The following FAM168A variants were observed in gnomAD, a reference collection of about 807,000 sequenced individuals.
FAM168A encodes protein FAM168A.
FAM168A carries 3 observed loss-of-function variants against 28.5 expected under a neutral mutation model. The ratio of observed to expected loss-of-function variants is 0.11; its 90% CI spans 0.05 to 0.27. The LOEUF (loss-of-function observed/expected upper bound fraction) is 0.27. Ranked by LOEUF, FAM168A falls within the 10% of genes least tolerant of loss-of-function variation. FAM168A has a pLI of 1.00. For synonymous variants in FAM168A, 122 were observed against 124.2 expected (o/e 0.98, Z 0.12); for missense variants, 222 against 311.5 (o/e 0.71, Z 2.16).
intron 1 of FAM168A, among the ~76,000 whole-genome samples, chr11:73,517,709 G>GGTAT (rs1943323760): frequency 1.3e-5 from 2 of 152,040 alleles, no homozygotes; most frequent in Non-Finnish European, 2.9e-5. Flanking sequence ...TATACTATAC[G>GGTAT]ACCTTGGCTC....
chr11:73,484,701 GATATATATAGAT>G (rs202126086), intron 1 of FAM168A, among the ~76,000 whole-genome samples: 7,702 of 142,118 alleles, frequency 0.054, 537 homozygotes, highest in African/African-American at 0.16. Context: ...TATAGATATA[GATATATATAGAT>G]ATATATATAG....
intron 1 of FAM168A, among the ~76,000 whole-genome samples, chr11:73,572,253 T>TG (rs1207056021): frequency 6.5e-5 from 9 of 138,846 alleles, no homozygotes; most frequent in East Asian, 4.4e-4. Flanking sequence ...GGGAGGGAGG[T>TG]GGGGGGTCAG....
At chr11:73,548,918 G>A (rs138456791) in intron 1 of FAM168A, among the ~76,000 whole-genome samples, 1 of 151,986 alleles carries the variant, frequency 6.6e-6, no homozygotes, top group Non-Finnish European at 1.5e-5. Context: ...TTATAGGAGT[G>A]AACCACCACA....
chr11:73,550,910 A>G lies in FAM168A; in HGVS notation c.-19+47013T>C, dbSNP rs150980558. On this transcript the variant is annotated intron_variant, in intron 1 of 7. Coordinates refer to ENST00000356467, the MANE Select transcript of FAM168A (RefSeq NM_015159.3). ...GATCACAAGTCAGGAGATCAAGACCATCCTGGCTAACATGGTGAAACCCTG... is the reference window on the plus strand; with the variant it reads ...GATCACAAGTCAGGAGATCAAGACCGTCCTGGCTAACATGGTGAAACCCTG... 2.2e-3 allele frequency among the ~76,000 whole-genome samples: 335 copies of G among 152,254 alleles called. 1 individual carries two copies. Among genetic ancestry groups the G allele is most frequent in the African/African-American group, 7.6e-3 (316 of 41,564 alleles).
Position 73,400,786 on chromosome 11 carries a change from T to A in FAM168A, c.*5977A>T, listed in dbSNP as rs1866389825. 1 of 151,834 alleles carries A rather than the reference T, an allele frequency of 6.6e-6. No homozygotes were observed. The highest frequency in any genetic ancestry group is 2.4e-5 in the African/African-American group (1 of 41,392). 9.4% of individuals were successfully genotyped at this position (151,834 alleles called of 1,614,324 possible). Reference sequence around the variant, plus strand: ...CCAAGAACCACTCAGTCTAGTCACCTAAGACTTTTTTTTGGGGGGGAATTT... The same window carrying A: ...CCAAGAACCACTCAGTCTAGTCACCAAAGACTTTTTTTTGGGGGGGAATTT... On this transcript the variant is annotated 3_prime_UTR_variant, in exon 8 of 8. Coordinates refer to ENST00000356467, the MANE Select transcript of FAM168A (RefSeq NM_015159.3).
At chr11:73,415,864 T>C (rs1329189643) in intron 4 of FAM168A, among the ~76,000 whole-genome samples, 1 of 152,220 alleles carries the variant, frequency 6.6e-6, no homozygotes, top group Non-Finnish European at 1.5e-5. Context: ...ATTAAGACTT[T>C]GGAATGTTGT....
intron 1 of FAM168A, among the ~76,000 whole-genome samples, chr11:73,495,986 A>T (rs767731082): frequency 3.5e-4 from 53 of 152,234 alleles, no homozygotes; most frequent in Non-Finnish European, 6.9e-4. Context: ...TGTTCATTGC[A>T]ATACTATGGA....
chr11:73,587,459 T>C (rs1477359326), intron 1 of FAM168A, among the ~76,000 whole-genome samples: 1 of 149,322 alleles, frequency 6.7e-6, no homozygotes, highest in Admixed American at 6.7e-5. Context: ...ACCACTGCAC[T>C]CCAGCTGAGG....
intron 1 of FAM168A, among the ~76,000 whole-genome samples, chr11:73,565,696 T>C (rs1023732190): frequency 2.0e-5 from 3 of 152,186 alleles, no homozygotes; most frequent in Non-Finnish European, 4.4e-5. Flanking sequence ...GACTTCTAAC[T>C]TCATAAAGAG....
At chr11:73,569,356 C>T (rs188728526) in intron 1 of FAM168A, among the ~76,000 whole-genome samples, 6 of 152,290 alleles carry the variant, frequency 3.9e-5, no homozygotes, top group East Asian at 1.9e-4. Context: ...ACACACACAG[C>T]GGTCTTATCC....
chr11:73,460,005 T>C (rs888007164), intron 2 of FAM168A, among the ~76,000 whole-genome samples: 4 of 149,272 alleles, frequency 2.7e-5, no homozygotes, highest in Non-Finnish European at 5.9e-5. Context: ...CTCACCCTCC[T>C]GAGTAACTGG....
intron 1 of FAM168A, among the ~76,000 whole-genome samples, chr11:73,494,512 A>G (rs920564423): frequency 1.3e-5 from 2 of 152,260 alleles, no homozygotes; most frequent in African/African-American, 4.8e-5. Context: ...AGAAGGGCTC[A>G]GAAAAACCTG....
chr11:73,584,957 C>T (rs960799868), intron 1 of FAM168A, among the ~76,000 whole-genome samples: 4 of 151,538 alleles, frequency 2.6e-5, no homozygotes, highest in Admixed American at 6.6e-5. Flanking sequence ...GGCAACATAA[C>T]GAGACTTCAT....
intron 1 of FAM168A, among the ~76,000 whole-genome samples, chr11:73,514,729 A>G (rs1190212013): frequency 6.6e-6 from 1 of 152,176 alleles, no homozygotes; most frequent in African/African-American, 2.4e-5. Flanking sequence ...GCTACTCAGA[A>G]GGGTGAGGTA....
chr11:73,457,393 TAA>T (rs1023456348), intron 2 of FAM168A, among the ~76,000 whole-genome samples: 3 of 141,344 alleles, frequency 2.1e-5, no homozygotes, highest in Non-Finnish European at 3.1e-5. Flanking sequence ...CCATCTCGTT[TAA>T]AAAAAAAAAA....
chr11:73,548,301 A>T (rs952992082), intron 1 of FAM168A, among the ~76,000 whole-genome samples: 3 of 150,010 alleles, frequency 2.0e-5, no homozygotes, highest in Non-Finnish European at 2.9e-5. Flanking sequence ...AGTATGAAAT[A>T]GGAAGTAAGA....
rs192509940 is a variant in FAM168A, at chr11:73,405,647, C to G, written c.*1116G>C. 1 of 152,352 alleles carries G rather than the reference C, an allele frequency of 6.6e-6. No homozygotes were observed. The highest frequency in any genetic ancestry group is 1.9e-4 in the East Asian group (1 of 5,182). The allele number at this position is 152,352 out of a possible 1,614,324, so 9.4% of individuals were successfully genotyped here. On this transcript the variant is annotated 3_prime_UTR_variant, in exon 8 of 8. Coordinates refer to ENST00000356467, the MANE Select transcript of FAM168A (RefSeq NM_015159.3). ...TATTGCTTTTCCTTCACTATCCTCA[C>G]CTTCAGAGCTGCCAGCACCCACCTG... is the stretch of plus-strand genomic sequence containing the variant.
chr11:73,578,440 T>G (rs1944202679), intron 1 of FAM168A, among the ~76,000 whole-genome samples: 1 of 152,182 alleles, frequency 6.6e-6, no homozygotes, highest in South Asian at 2.1e-4. Context: ...TATCACTTAC[T>G]GTATGCCAAT....
At position 73,501,179 on chromosome 11, in the gene FAM168A, C is replaced by A. The variant is rs567954873; in HGVS notation, c.-18-32687G>T. Among the ~76,000 whole-genome samples the A allele has an allele frequency of 7.2e-4, 109 of 152,270 alleles. 2 individuals carry two copies. The highest frequency in any genetic ancestry group is 8.8e-5 in the Non-Finnish European group (6 of 68,018). ...TATATATGCATCCAATACAGGAGCA[C>A]CCAAATTCATAAAACAAGTTCTTAG... On this transcript the variant is annotated intron_variant, in intron 1 of 7. Coordinates refer to ENST00000356467, the MANE Select transcript of FAM168A (RefSeq NM_015159.3).
Sources: gnomAD v4.1 joint callset for allele counts (sites outside exome capture counted in the v4.1 genomes callset) on GRCh38, gnomAD v4.1.1 for gene constraint, MANE v1.5 for transcripts, NCBI Gene and HGNC (gene_info 2026-07-23, HGNC 2026-07-21) for gene names.